Variants in DCLK2 observed in about 807,000 individuals in gnomAD.
DCLK2 encodes serine/threonine-protein kinase DCLK2.
Under a neutral mutation model 78.4 loss-of-function variants are expected in DCLK2, and 31 were observed. The ratio of observed to expected loss-of-function variants is 0.40; its 90% CI spans 0.30 to 0.53. DCLK2 has a LOEUF of 0.53. Among genes scored for constraint, DCLK2 ranks in the 20% least tolerant of loss-of-function variants. The pLI, the probability that DCLK2 is intolerant of heterozygous loss-of-function variation, is 0.61. For missense variants in DCLK2, 872 were observed against 973.7 expected (o/e 0.90, Z 1.39); for synonymous variants, 407 against 374.9 (o/e 1.09, Z -0.99).
At chr4:150,219,101 G>T (rs1196519646) in intron 5 of DCLK2, among the ~76,000 whole-genome samples, 2 of 152,014 alleles carry the variant, frequency 1.3e-5, no homozygotes, top group African/African-American at 4.8e-5. Context: ...CTACTTGGGA[G>T]ACTGAGGTGG....
chr4:150,081,072 C>T, intron 1 of DCLK2, among the ~76,000 whole-genome samples: 1 of 152,182 alleles, frequency 6.6e-6, no homozygotes, highest in East Asian at 1.9e-4. Context: ...TTGACTGACC[C>T]AAGATCAGAT....
chr4:150,252,650 G>T (rs1744261489), intron 15 of DCLK2, among the ~76,000 whole-genome samples: 1 of 152,196 alleles, frequency 6.6e-6, no homozygotes, highest in Admixed American at 6.5e-5. Flanking sequence ...TCCATTTGCT[G>T]ATGAGGAGTT....
intron 1 of DCLK2, among the ~76,000 whole-genome samples, chr4:150,098,956 A>T (rs994769741): frequency 1.3e-5 from 2 of 152,070 alleles, no homozygotes; most frequent in Admixed American, 1.3e-4. Context: ...CGGCTCCCCA[A>T]AGTGCTGGGA....
rs570763446 is a variant in DCLK2 at position 150,172,109 on chromosome 4, T to C, written c.757-21029T>C. 6.8e-4 allele frequency among the ~76,000 whole-genome samples: 104 copies of C among 152,336 alleles called. 2 individuals carry two copies. The highest frequency in any genetic ancestry group is 1.3e-3 in the Admixed American group (20 of 15,308). ...CTTTGAGCTTTGTACACGGTAGTTA[T>C]TGAGTTGAGTAACATAGTTTGTTCT... On this transcript the variant is annotated intron_variant, in intron 2 of 15. Transcript: ENST00000296550.
intron 12 of DCLK2, among the ~76,000 whole-genome samples, chr4:150,245,533 A>G: frequency 6.6e-6 from 1 of 151,940 alleles, no homozygotes; most frequent in East Asian, 1.9e-4. Context: ...CTACCCCATG[A>G]CAGGCCCCGG....
rs182332622 is a variant in DCLK2 at position 150,230,760 on chromosome 4, C to T, written c.1300-1577C>T. On this transcript the variant is annotated intron_variant, in intron 8 of 15. Transcript: ENST00000296550. ...TACAGCTGCTTCCCAAGGGAGGAAACGGGGCTCTGTCTGCTGCTCTGTAAC... is the reference window on the plus strand; with the variant it reads ...TACAGCTGCTTCCCAAGGGAGGAAATGGGGCTCTGTCTGCTGCTCTGTAAC... Among the ~76,000 whole-genome samples the T allele has an allele frequency of 5.9e-5, 9 of 152,294 alleles. No individual in the cohort carries two copies. The East Asian group carries it at 1.3e-3, about 23-fold the overall frequency.
Position 150,204,334 on chromosome 4 carries a change from C to T in DCLK2, c.1056+445C>T, listed in dbSNP as rs879330636. ...GTGAAATACTAGCATAATGTTTATA[C>T]TCACAAGCTATAACACAAGGAAAAT... On this transcript the variant is annotated intron_variant, in intron 5 of 15. Coordinates refer to ENST00000296550, the MANE Select transcript of DCLK2 (RefSeq NM_001040260.4). Among the ~76,000 whole-genome samples, 20 of 152,044 alleles carry T rather than the reference C, an allele frequency of 1.3e-4. 1 individual carries two copies. The highest frequency in any genetic ancestry group is 2.8e-4 in the Non-Finnish European group (19 of 68,016).
At chr4:150,108,442 G>C (rs926963170) in intron 2 of DCLK2, among the ~76,000 whole-genome samples, 1 of 151,900 alleles carries the variant, frequency 6.6e-6, no homozygotes. Flanking sequence ...TACACGGGAG[G>C]CTGAGGCAGG....
At chr4:150,231,383 C>A (rs1742044518) in intron 8 of DCLK2, among the ~76,000 whole-genome samples, 1 of 152,222 alleles carries the variant, frequency 6.6e-6, no homozygotes, top group Non-Finnish European at 1.5e-5. Context: ...ACACAACCTA[C>A]CATGTGCAGG....
chr4:150,214,882 C>T (rs570232034), intron 5 of DCLK2, among the ~76,000 whole-genome samples: 3 of 150,008 alleles, frequency 2.0e-5, no homozygotes, highest in South Asian at 2.1e-4. Flanking sequence ...GAATCACTTG[C>T]ACCTGGGAGG....
chr4:150,158,073 G>T (rs1372807466), intron 2 of DCLK2, among the ~76,000 whole-genome samples: 7 of 152,174 alleles, frequency 4.6e-5, no homozygotes, highest in African/African-American at 1.7e-4. Context: ...CATACTGGGT[G>T]GCTTAAACAA....
intron 2 of DCLK2, among the ~76,000 whole-genome samples, chr4:150,103,520 G>A (rs1271110255): frequency 6.6e-6 from 1 of 152,186 alleles, no homozygotes; most frequent in Non-Finnish European, 1.5e-5. Context: ...GGCTTCTGAA[G>A]TGTATTTTCC....
intron 2 of DCLK2, among the ~76,000 whole-genome samples, chr4:150,112,517 C>T (rs1442052413): frequency 6.6e-6 from 1 of 152,074 alleles, no homozygotes; most frequent in African/African-American, 2.4e-5. Context: ...TAGGAGGAAT[C>T]CTTTCAAGTT....
chr4:150,078,878 C>G lies in DCLK2; in HGVS notation c.-150C>G. The G allele has an allele frequency of 9.4e-7, 1 of 1,068,742 alleles. No homozygotes were observed. Among genetic ancestry groups the G allele is most frequent in the Non-Finnish European group, 1.3e-6 (1 of 789,848 alleles). The allele number at this position is 1,068,742 out of a possible 1,614,324, so 66.2% of individuals were successfully genotyped here. ...CGGGCGGGTCGGCTCCTCCGCGGCTCCTCGGCCCCACCTGCGCGGAGAGGG... is the reference window on the plus strand; with the variant it reads ...CGGGCGGGTCGGCTCCTCCGCGGCTGCTCGGCCCCACCTGCGCGGAGAGGG... On this transcript the variant is annotated 5_prime_UTR_variant, in exon 1 of 16. Transcript: ENST00000296550.
chr4:150,095,798 G>A (rs68167852), intron 1 of DCLK2, among the ~76,000 whole-genome samples: 16,450 of 152,264 alleles, frequency 0.11, 895 homozygotes, highest in Middle Eastern at 0.13. Flanking sequence ...TGCCAGAGGT[G>A]CTTAATCTTG....
chr4:150,134,757 T>G (rs1338158507), intron 2 of DCLK2, among the ~76,000 whole-genome samples: 1 of 152,212 alleles, frequency 6.6e-6, no homozygotes, highest in Non-Finnish European at 1.5e-5. Context: ...TGCAGCCTGG[T>G]GTGCTATTTG....
At position 150,160,004 on chromosome 4, in the gene DCLK2, T is replaced by A. The variant is rs867852236; in HGVS notation, c.757-33134T>A. ...CCCTCTTTGATGACTTTTTTTTTTT[T>A]AATTTTTATTATTTTTGTGTGTGTG... is the stretch of plus-strand genomic sequence containing the variant. On this transcript the variant is annotated intron_variant, in intron 2 of 15. Transcript: ENST00000296550. 7.3e-5 allele frequency among the ~76,000 whole-genome samples: 11 copies of A among 151,004 alleles called. 1 individual carries two copies. Among genetic ancestry groups the A allele is most frequent in the South Asian group, 2.1e-4 (1 of 4,798 alleles).
chr4:150,106,632 G>A (rs1731275228), intron 2 of DCLK2, among the ~76,000 whole-genome samples: 1 of 152,164 alleles, frequency 6.6e-6, no homozygotes, highest in African/African-American at 2.4e-5. Context: ...ATAACTTTTA[G>A]GCAATTCACC....
At chr4:150,102,268 C>T (rs546108039) in intron 1 of DCLK2, among the ~76,000 whole-genome samples, 1 of 152,226 alleles carries the variant, frequency 6.6e-6, no homozygotes, top group Admixed American at 6.5e-5. Flanking sequence ...GCTTCTCACC[C>T]TGTAATCCTT....
Sources: gnomAD v4.1 joint callset for allele counts (sites outside exome capture counted in the v4.1 genomes callset) on GRCh38, gnomAD v4.1.1 for gene constraint, MANE v1.5 for transcripts, NCBI Gene and HGNC (gene_info 2026-07-23, HGNC 2026-07-21) for gene names.